CACNG3: variants seen among roughly 807,000 people sequenced by gnomAD.
CACNG3 encodes voltage-dependent calcium channel gamma-3 subunit.
CACNG3 carries 3 observed loss-of-function variants against 28.5 expected under a neutral mutation model. The observed-to-expected ratio is 0.11, with a 90% CI of 0.05 to 0.27. The LOEUF (loss-of-function observed/expected upper bound fraction) is 0.27. CACNG3 is among the 10% of genes least tolerant of loss of function. The pLI is 1.00. For missense variants in CACNG3, 236 were observed against 414.4 expected, an observed-to-expected ratio of 0.57 and a Z score of 3.74; for synonymous variants, 174 against 162.2, an observed-to-expected ratio of 1.07 and a Z score of -0.55.
intron 1 of CACNG3, among the ~76,000 whole-genome samples, chr16:24,300,850 G>T (rs1899099331): frequency 1.3e-5 from 2 of 151,964 alleles, no homozygotes. Flanking sequence ...TCAGGAGTTT[G>T]ACACCAGCTT....
intron 1 of CACNG3, among the ~76,000 whole-genome samples, chr16:24,310,077 T>C (rs951780423): frequency 7.9e-5 from 12 of 152,254 alleles, no homozygotes; most frequent in African/African-American, 2.9e-4. Context: ...ACAAAGGAGA[T>C]TGCTGGGGCC....
intron 1 of CACNG3, among the ~76,000 whole-genome samples, chr16:24,321,971 G>C (rs1899466400): frequency 6.6e-6 from 1 of 152,254 alleles, no homozygotes; most frequent in Non-Finnish European, 1.5e-5. Context: ...CATCCACTGG[G>C]GGTCTTGGAA....
intron 1 of CACNG3, among the ~76,000 whole-genome samples, chr16:24,270,709 C>T (rs1451712781): frequency 6.6e-6 from 1 of 152,180 alleles, no homozygotes; most frequent in African/African-American, 2.4e-5. Context: ...AGCTCACTGG[C>T]TTAAGAAAGA....
At chr16:24,318,488 G>T (rs369452275) in intron 1 of CACNG3, among the ~76,000 whole-genome samples, 2 of 152,096 alleles carry the variant, frequency 1.3e-5, no homozygotes, top group African/African-American at 2.4e-5. Flanking sequence ...TACCGCACCC[G>T]GCCTGTATAT....
intron 1 of CACNG3, among the ~76,000 whole-genome samples, chr16:24,266,340 G>A (rs1490151148): frequency 6.6e-6 from 1 of 152,184 alleles, no homozygotes. Flanking sequence ...CCATGGATGA[G>A]GTTCAGTATG....
intron 1 of CACNG3, among the ~76,000 whole-genome samples, chr16:24,327,420 A>ATGTGTGTGTGTG (rs1182421550): frequency 7.0e-5 from 4 of 57,120 alleles, no homozygotes; most frequent in African/African-American, 2.8e-4. Context: ...ACGAATATAT[A>ATGTGTGTGTGTG]TATGTGTGTG....
chr16:24,361,990 C>G lies in CACNG3; in HGVS notation c.*127C>G. On this transcript the variant is annotated 3_prime_UTR_variant, in exon 4 of 4. Transcript: ENST00000005284. This position sits in a 1 kb window ranked among gnomAD's most constrained non-coding sequence, Gnocchi z 6.8. ...TTTACAAAGAATGAAACCAAATGGA[C>G]TCAGCCCTCTCCCACATTTTCCCCT... The G allele has an allele frequency of 1.1e-6, 1 of 932,456 alleles. No individual in the cohort carries two copies. The highest frequency in any genetic ancestry group is 1.8e-5 in the South Asian group (1 of 55,148). 57.8% of individuals were successfully genotyped at this position (932,456 alleles called of 1,614,324 possible).
At position 24,317,636 on chromosome 16, in the gene CACNG3, A is replaced by AGAC. The variant is rs1567217588; in HGVS notation, c.212-29098_212-29097insGAC. ...AAAGAAAGAAAGAAAGACAGACAGA[A>AGAC]AGAAAGAAAAGAAAAGAAAGAAAGA... is the stretch of plus-strand genomic sequence containing the variant. On this transcript the variant is annotated intron_variant, in intron 1 of 3. Transcript: ENST00000005284. Among the ~76,000 whole-genome samples the AGAC allele has an allele frequency of 1.8e-3, 95 of 52,196 alleles. 2 individuals carry two copies. Among genetic ancestry groups the AGAC allele is most frequent in the Admixed American group, 4.2e-3 (22 of 5,236 alleles). The allele number at this position is 52,196 out of a possible 152,430, so 34.2% of individuals were successfully genotyped here. A position where few individuals can be genotyped will look rare whatever the true frequency, so the allele number is the denominator to read the frequency against.
intron 1 of CACNG3, among the ~76,000 whole-genome samples, chr16:24,314,660 T>C (rs1452259210): frequency 1.3e-5 from 2 of 152,160 alleles, no homozygotes; most frequent in South Asian, 2.1e-4. Context: ...TATATGTCCC[T>C]GTGTTTCCAC....
chr16:24,351,317 C>T (rs1368660015), intron 2 of CACNG3, among the ~76,000 whole-genome samples: 3 of 151,942 alleles, frequency 2.0e-5, no homozygotes, highest in African/African-American at 7.3e-5. Flanking sequence ...ATGCCTGTAA[C>T]CCCAGCACTT....
rs76453347 is a variant in CACNG3, at chr16:24,289,151, C to T, written c.211+32186C>T. ...GGAAGTAAACAGCATCCCTCCCAAA[C>T]GACCCAGGGCTCTGCAGAAAGGAAA... On this transcript the variant is annotated intron_variant, in intron 1 of 3. Coordinates refer to ENST00000005284, the MANE Select transcript of CACNG3 (RefSeq NM_006539.4). Among the ~76,000 whole-genome samples, 1,176 of 152,238 alleles carry T rather than the reference C, an allele frequency of 7.7e-3. 16 individuals are homozygous for T. Among genetic ancestry groups the T allele is most frequent in the African/African-American group, 0.027 (1,141 of 41,546 alleles).
chr16:24,305,410 G>A (rs1011726631), intron 1 of CACNG3, among the ~76,000 whole-genome samples: 1 of 151,490 alleles, frequency 6.6e-6, no homozygotes, highest in Non-Finnish European at 1.5e-5. Flanking sequence ...CCAGGCTGGA[G>A]TGGAATAGGG....
intron 1 of CACNG3, among the ~76,000 whole-genome samples, chr16:24,281,150 A>G (rs555383900): frequency 6.6e-6 from 1 of 152,268 alleles, no homozygotes; most frequent in African/African-American, 2.4e-5. Flanking sequence ...CAGGGATTCA[A>G]GATGGGGAAC....
At chr16:24,340,753 T>C (rs2075431618) in intron 1 of CACNG3, among the ~76,000 whole-genome samples, 1 of 152,152 alleles carries the variant, frequency 6.6e-6, no homozygotes, top group African/African-American at 2.4e-5. Context: ...GGCTCTGTCT[T>C]TCTCTCCAAA....
At chr16:24,257,421 G>C (rs1203004406) in intron 1 of CACNG3, among the ~76,000 whole-genome samples, 1 of 125,226 alleles carries the variant, frequency 8.0e-6, no homozygotes, top group Non-Finnish European at 1.7e-5. Context: ...GAGAGAGAGA[G>C]AGAGAGATCC....
chr16:24,311,519 A>G (rs1471969635), intron 1 of CACNG3, among the ~76,000 whole-genome samples: 4 of 150,804 alleles, frequency 2.7e-5, no homozygotes, highest in Admixed American at 6.6e-5. Context: ...AAAAAAAAAA[A>G]AAGTGCTAAG....
chr16:24,348,119 C>T (rs936541553), intron 2 of CACNG3, among the ~76,000 whole-genome samples: 5 of 152,094 alleles, frequency 3.3e-5, no homozygotes, highest in African/African-American at 1.2e-4. Context: ...ATAGTGAGGC[C>T]AAGTGCAATG....
intron 1 of CACNG3, among the ~76,000 whole-genome samples, chr16:24,281,916 T>C (rs1042955736): frequency 9.2e-5 from 14 of 152,010 alleles, no homozygotes; most frequent in African/African-American, 2.9e-4. Flanking sequence ...AAAACCAAGG[T>C]GTAGAGAGAG....
chr16:24,347,317 C>A (rs1199826625), intron 2 of CACNG3, among the ~76,000 whole-genome samples: 1 of 150,674 alleles, frequency 6.6e-6, no homozygotes, highest in Non-Finnish European at 1.5e-5. Context: ...GACCCTGTCT[C>A]TGAAAAGAAA....
Sources: gnomAD v4.1 joint callset for allele counts (sites outside exome capture counted in the v4.1 genomes callset) on GRCh38, gnomAD v4.1.1 for gene constraint, Gnocchi (gnomAD v3.1) non-coding constraint, MANE v1.5 for transcripts, NCBI Gene and HGNC (gene_info 2026-07-23, HGNC 2026-07-21) for gene names.